The following PCDHGA5 variants were observed in gnomAD, a reference collection of about 807,000 sequenced individuals.
PCDHGA5 encodes the protein protocadherin gamma-A5.
A neutral mutation model predicts 56.7 loss-of-function variants in PCDHGA5; 36 were observed. The ratio of observed to expected loss-of-function variants is 0.64; its 90% CI spans 0.49 to 0.84. The LOEUF is 0.84. Ranked by LOEUF, PCDHGA5 falls within the 40% of genes least tolerant of loss-of-function variation. PCDHGA5 has a pLI of 0.00. For synonymous variants in PCDHGA5, 563 were observed against 520.2 expected, an observed-to-expected ratio of 1.08 and a Z score of -1.12; for missense variants, 1,305 against 1,201.5, an observed-to-expected ratio of 1.09 and a Z score of -1.27.
chr5:141,436,193 A>G (rs2097801112), intron 1 of PCDHGA5, among the ~76,000 whole-genome samples: 1 of 152,156 alleles, frequency 6.6e-6, no homozygotes, highest in South Asian at 2.1e-4. Flanking sequence ...AAATAGAAAG[A>G]AAGACATAAT....
At chr5:141,429,196 A>ACACACT in intron 1 of PCDHGA5, 1 of 151,994 alleles carries the variant, frequency 6.6e-6, no homozygotes, top group Non-Finnish European at 1.5e-5. Context: ...ACACACACAC[A>ACACACT]CACACACACG....
intron 1 of PCDHGA5, chr5:141,388,789 T>G: frequency 1.9e-6 from 3 of 1,613,948 alleles, no homozygotes; most frequent in Non-Finnish European, 2.5e-6. Flanking sequence ...ATTACTGTTT[T>G]AAATACATTA....
chr5:141,421,749 C>T, intron 1 of PCDHGA5: 1 of 1,613,918 alleles, frequency 6.2e-7, no homozygotes, highest in Non-Finnish European at 8.5e-7. Flanking sequence ...ACCAGCTCAG[C>T]CCTAATAATT....
intron 1 of PCDHGA5, among the ~76,000 whole-genome samples, chr5:141,435,445 C>T (rs190910353): frequency 3.9e-5 from 6 of 152,224 alleles, no homozygotes; most frequent in Middle Eastern, 3.4e-3. Flanking sequence ...TTCATTAATA[C>T]GATATCTGTA....
intron 1 of PCDHGA5, among the ~76,000 whole-genome samples, chr5:141,482,104 AAT>A (rs1452930297): frequency 2.7e-5 from 4 of 150,286 alleles, no homozygotes; most frequent in Non-Finnish European, 5.9e-5. Context: ...AAAAAAAAAA[AAT>A]ATCTAGAGAT....
chr5:141,374,658 C>T (rs760635815), intron 1 of PCDHGA5: 1 of 1,611,764 alleles, frequency 6.2e-7, no homozygotes, highest in Non-Finnish European at 8.5e-7. Flanking sequence ...CCCAAGTACC[C>T]GGAGCTGGTG....
intron 1 of PCDHGA5, among the ~76,000 whole-genome samples, chr5:141,452,094 G>A (rs760924457): frequency 6.6e-6 from 1 of 152,162 alleles, no homozygotes; most frequent in South Asian, 2.1e-4. Context: ...CAGTAAGAAA[G>A]AGCTTTCTTT....
intron 1 of PCDHGA5, among the ~76,000 whole-genome samples, chr5:141,405,721 A>G (rs1295046106): frequency 1.3e-5 from 2 of 151,702 alleles, no homozygotes; most frequent in African/African-American, 4.8e-5. Context: ...CAAGTGATCC[A>G]CCCACCTCAG....
At position 141,366,468 on chromosome 5, in the gene PCDHGA5, T is replaced by G. The variant is rs745680725; in HGVS notation, c.2138T>G (p.Val713Gly). 5.0e-6 allele frequency: 8 copies of G among 1,614,130 alleles called. No homozygotes were observed. The Admixed American group carries it at 5.0e-5, about 10-fold the overall frequency. Residue 713 changes from valine to glycine, a missense_variant, in exon 1 of 4, where the codon GTG becomes GGG. Coordinates refer to ENST00000518069, the MANE Select transcript of PCDHGA5 (RefSeq NM_018918.3). ...VFLAFVIVLL[V>G]LRLRRWHKSR... is the part of the protein sequence containing the mutation. ...CTGGCCTTCGTCATCGTGCTGCTGG[T>G]GCTCAGACTGAGGCGCTGGCACAAG...
intron 1 of PCDHGA5, chr5:141,400,209 G>A: frequency 6.2e-7 from 1 of 1,614,052 alleles, no homozygotes; most frequent in South Asian, 1.1e-5. Context: ...CCTTGGCCTT[G>A]ATCTCAGTGC....
Position 141,410,369 on chromosome 5 carries a change from A to T in PCDHGA5, c.2421+43618A>T, listed in dbSNP as rs754541017. Reference sequence around the variant, plus strand: ...CCTGCGACGCTCTCTCAGCCCTGCTACTTGGGACTGCTTCCATCCTGGTCT... The same window carrying T: ...CCTGCGACGCTCTCTCAGCCCTGCTTCTTGGGACTGCTTCCATCCTGGTCT... On this transcript the variant is annotated intron_variant, in intron 1 of 3. Coordinates refer to ENST00000518069, the MANE Select transcript of PCDHGA5 (RefSeq NM_018918.3). The T allele has an allele frequency of 5.6e-6, 9 of 1,613,836 alleles. No homozygotes were observed. The African/African-American group carries it at 1.2e-4, about 22-fold the overall frequency.
Position 141,437,358 on chromosome 5 carries a change from T to C in PCDHGA5, c.2422-57449T>C, listed in dbSNP as rs115917828. ...CTTCACTGTTTTATAGTACCTAAAATTGGAATGTAATCAGTCAGAAGACAT... is the reference window on the plus strand; with the variant it reads ...CTTCACTGTTTTATAGTACCTAAAACTGGAATGTAATCAGTCAGAAGACAT... On this transcript the variant is annotated intron_variant, in intron 1 of 3. Coordinates refer to ENST00000518069, the MANE Select transcript of PCDHGA5 (RefSeq NM_018918.3). 4.6e-3 allele frequency among the ~76,000 whole-genome samples: 702 copies of C among 152,356 alleles called. 4 individuals carry two copies. Among genetic ancestry groups the C allele is most frequent in the African/African-American group, 0.015 (639 of 41,574 alleles).
intron 1 of PCDHGA5, among the ~76,000 whole-genome samples, chr5:141,373,124 C>A (rs933714666): frequency 1.3e-5 from 2 of 152,188 alleles, no homozygotes; most frequent in Non-Finnish European, 2.9e-5. Context: ...GAATTAGACC[C>A]AAATCCTCAC....
chr5:141,491,659 G>A lies in PCDHGA5; in HGVS notation c.2422-3148G>A. On this transcript the variant is annotated intron_variant, in intron 1 of 3. Transcript: ENST00000518069. This position sits in a 1 kb window ranked among gnomAD's most constrained non-coding sequence, Gnocchi z 6.9. ...CACAGCTCTGGCGCTGGAGCCTGACGCCATCCGGTCCCGCTCTAATACGCT... is the reference window on the plus strand; with the variant it reads ...CACAGCTCTGGCGCTGGAGCCTGACACCATCCGGTCCCGCTCTAATACGCT... 6.2e-7 allele frequency: 1 copy of A among 1,613,766 alleles called. No homozygotes were observed. The highest frequency in any genetic ancestry group is 8.5e-7 in the Non-Finnish European group (1 of 1,180,004).
intron 2 of PCDHGA5, among the ~76,000 whole-genome samples, chr5:141,499,209 C>G (rs1171702973): frequency 6.6e-6 from 1 of 152,096 alleles, no homozygotes; most frequent in Admixed American, 6.5e-5. Context: ...GGCTGTAACC[C>G]AGGCCCTGCC....
rs576983336 is a variant in PCDHGA5, at chr5:141,489,165, G to A, written c.2422-5642G>A. 5.8e-4 allele frequency: 625 copies of A among 1,082,080 alleles called. 8 individuals are homozygous for A. The South Asian group carries it at 7.9e-3, about 14-fold the overall frequency. The allele number at this position is 1,082,080 out of a possible 1,614,324, so 67.0% of individuals were successfully genotyped here. On this transcript the variant is annotated intron_variant, in intron 1 of 3. Transcript: ENST00000518069. The surrounding 1 kb of genome is among the most constrained non-coding windows in gnomAD (Gnocchi z 4.5). ...GAAGGAGACATAAGAGACTTCAGCT[G>A]CTGCATTCCAAGCCCTGGGTCTACC...
In PCDHGA5 at chr5:141,491,634, C is replaced by T; in HGVS notation, c.2422-3173C>T. On this transcript the variant is annotated intron_variant, in intron 1 of 3. Coordinates refer to ENST00000518069, the MANE Select transcript of PCDHGA5 (RefSeq NM_018918.3). This position sits in a 1 kb window ranked among gnomAD's most constrained non-coding sequence, Gnocchi z 6.9. ...TAAGACCCCTCAGCGTTCAGCAGCC[C>T]ACAGCTCTGGCGCTGGAGCCTGACG... 1 of 1,613,892 alleles carries T rather than the reference C, an allele frequency of 6.2e-7. No individual in the cohort carries two copies. Among genetic ancestry groups the T allele is most frequent in the South Asian group, 1.1e-5 (1 of 91,084 alleles).
chr5:141,410,847 G>GTATTTT, intron 1 of PCDHGA5: 1 of 158,250 alleles, frequency 6.3e-6, no homozygotes, highest in Non-Finnish European at 1.0e-5. Flanking sequence ...TTTTGTCTTT[G>GTATTTT]TCTTTTTTTT....
At chr5:141,381,826 C>CTTTTTTTTTTTTTTTTTTTT (rs770630741) in intron 1 of PCDHGA5, among the ~76,000 whole-genome samples, 4 of 74,282 alleles carry the variant, frequency 5.4e-5, no homozygotes, top group Admixed American at 1.9e-4. Context: ...CTTTCTTCTT[C>CTTTTTTTTTTTTTTTTTTTT]TTTTTTTTTT....
Sources: allele counts gnomAD v4.1 joint callset (sites outside exome capture counted in the v4.1 genomes callset), GRCh38; gene constraint gnomAD v4.1.1; non-coding constraint Gnocchi (gnomAD v3.1); transcripts MANE v1.5; gene names NCBI Gene and HGNC (gene_info 2026-07-23, HGNC 2026-07-21).